The following DMXL1 variants were observed in gnomAD, a reference collection of about 807,000 sequenced individuals.
DMXL1 encodes the protein dmX-like protein 1.
A neutral mutation model predicts 319.2 loss-of-function variants in DMXL1; 99 were observed. The observed-to-expected ratio is 0.31, with a 90% confidence interval of 0.26 to 0.37. The LOEUF is 0.37. DMXL1 is among the 10% of genes least tolerant of loss of function. The pLI is 1.00. For missense variants in DMXL1, 3,745 were observed against 3,595.6 expected (o/e 1.04, Z -1.06); for synonymous variants, 1,385 against 1,235.2 (o/e 1.12, Z -2.54).
At chr5:119,208,182 A>G (rs910157627) in intron 34 of DMXL1, among the ~76,000 whole-genome samples, 5 of 150,496 alleles carry the variant, frequency 3.3e-5, no homozygotes, top group East Asian at 1.9e-4. Context: ...TTTGATGATT[A>G]CTTATTACTG....
intron 21 of DMXL1, 140 bp from the exon 22 acceptor site, chr5:119,166,476 A>G: frequency 1.5e-6 from 1 of 652,316 alleles, no homozygotes; most frequent in Non-Finnish European, 2.5e-6. Context: ...TTTTACTGGG[A>G]AAAGAAGCAG....
rs753684069 is a variant in DMXL1, at chr5:119,224,712, A to G, written c.8281A>G (p.Ile2761Val). ...AATAATTTTTCTATTTTACCAGATGATTAAGAAAGCCATTAATAATGTTAG... is the reference window on the plus strand; with the variant it reads ...AATAATTTTTCTATTTTACCAGATGGTTAAGAAAGCCATTAATAATGTTAG... ...TQTGRGASVM[I>V]KKAINNVRRM... Residue 2761 changes from isoleucine to valine, a missense_variant, in exon 38 of 44, where the codon ATT becomes GTT. Ile to Val is a conservative substitution (Grantham distance 29). Around this residue, in one of 4 missense-constraint regions of DMXL1, gnomAD observed 1,382 missense variants for 1,269.5 expected, o/e 1.09. Transcript: ENST00000539542. The G allele has an allele frequency of 2.4e-6, 3 of 1,271,820 alleles. No homozygotes were observed. Among genetic ancestry groups the G allele is most frequent in the Non-Finnish European group, 3.2e-6 (3 of 946,402 alleles). The allele number at this position is 1,271,820 out of a possible 1,614,324, so 78.8% of individuals were successfully genotyped here.
At chr5:119,173,800 T>TATATATATATATATATATATATATATAAA (rs1775229709) in intron 25 of DMXL1, among the ~76,000 whole-genome samples, 1 of 47,682 alleles carries the variant, frequency 2.1e-5, no homozygotes. Context: ...ATATATATAA[T>TATATATATATATATATATATATATATAAA]GAGAGAGAGA....
At chr5:119,077,495 T>G (rs1350912225) in intron 1 of DMXL1, among the ~76,000 whole-genome samples, 1 of 144,920 alleles carries the variant, frequency 6.9e-6, no homozygotes, top group African/African-American at 2.5e-5. Context: ...TTTTTTTTTT[T>G]TTTTTTTTTT....
intron 38 of DMXL1, among the ~76,000 whole-genome samples, chr5:119,228,067 A>G (rs932777078): frequency 2.0e-5 from 3 of 152,240 alleles, no homozygotes; most frequent in East Asian, 1.9e-4. Context: ...TTAAAAAACC[A>G]TAGATTTTCT....
chr5:119,071,905 C>T (rs1362264060), intron 1 of DMXL1, among the ~76,000 whole-genome samples: 1 of 152,174 alleles, frequency 6.6e-6, no homozygotes, highest in Non-Finnish European at 1.5e-5. Flanking sequence ...TTTGGTCTGT[C>T]TGCCTTGGGC....
chr5:119,097,014 G>T (rs1425456008), intron 1 of DMXL1, among the ~76,000 whole-genome samples: 2 of 152,240 alleles, frequency 1.3e-5, no homozygotes, highest in African/African-American at 4.8e-5. Flanking sequence ...ACAGTAATGT[G>T]ATAGAAAGTA....
At chr5:119,224,136 G>T (rs771167118) in intron 37 of DMXL1, among the ~76,000 whole-genome samples, 70 of 151,928 alleles carry the variant, frequency 4.6e-4, no homozygotes, top group Non-Finnish European at 9.0e-4. Flanking sequence ...AAATCCAAAA[G>T]AATAACAATA....
At chr5:119,095,731 CAACTT>C (rs1755800540) in intron 1 of DMXL1, among the ~76,000 whole-genome samples, 1 of 152,136 alleles carries the variant, frequency 6.6e-6, no homozygotes, top group Non-Finnish European at 1.5e-5. Context: ...ATTTGAAAGA[CAACTT>C]CTCTTAAAAT....
intron 38 of DMXL1, among the ~76,000 whole-genome samples, chr5:119,229,423 C>T (rs1030954401): frequency 3.3e-5 from 5 of 152,084 alleles, no homozygotes; most frequent in Non-Finnish European, 7.4e-5. Context: ...TATTAAGGCT[C>T]ATCATTCTTT....
At chr5:119,175,176 A>C in intron 25 of DMXL1, 85 bp from the exon 26 acceptor site, 1 of 1,005,924 alleles carries the variant, frequency 9.9e-7, no homozygotes, top group Non-Finnish European at 1.4e-6. Context: ...TCATTCTTTT[A>C]AAAATGCTGA....
Position 119,146,837 on chromosome 5 carries a change from G to T in DMXL1, c.2570G>T (p.Gly857Val). ...TGAAAAATATCATTAATACCAACAG[G>T]CAGCTCACCTAATGGATTTTCTGAG... ...LGKDSILSNAGSSPNGFSEKF... is the reference protein window; with the variant it reads ...LGKDSILSNAVSSPNGFSEKF... The change falls in exon 16 of 44, where the codon GGC (glycine) becomes GTC (valine). Residue 857 changes from glycine (G) to valine (V), a missense_variant and splice_region_variant. This residue lies in a region of DMXL1 where 2,096 missense variants were observed against 1,985.4 expected (regional missense o/e 1.06). Coordinates refer to ENST00000539542, the MANE Select transcript of DMXL1 (RefSeq NM_001290321.3). 6.2e-7 allele frequency: 1 copy of T among 1,608,388 alleles called. No individual in the cohort carries two copies. The highest frequency in any genetic ancestry group is 8.5e-7 in the Non-Finnish European group (1 of 1,177,350).
Position 119,085,220 on chromosome 5 carries a change from A to G in DMXL1, c.88-12759A>G, listed in dbSNP as rs1190149836. On this transcript the variant is annotated intron_variant, in intron 1 of 43. Transcript: ENST00000539542. The stretch of plus-strand genomic sequence containing the variant: ...GTGGTGTGCACCTGTAGTCCTAGCT[A>G]CTCGTGAGACTGAGGCGTGAGAATC... Among the ~76,000 whole-genome samples the G allele has an allele frequency of 8.6e-5, 13 of 151,920 alleles. No homozygotes were observed. In the South Asian group the frequency reaches 2.5e-3, roughly 29 times the overall value.
intron 29 of DMXL1, among the ~76,000 whole-genome samples, chr5:119,190,689 A>C (rs1334156558): frequency 6.6e-6 from 1 of 152,256 alleles, no homozygotes; most frequent in Admixed American, 6.5e-5. Flanking sequence ...AACTGTGGGT[A>C]TGTTGACAGT....
Position 119,171,830 on chromosome 5 carries a change from C to G in DMXL1, c.6542C>G (p.Pro2181Arg). Residue 2181 changes from proline to arginine, a missense_variant, in exon 25 of 44, where the codon CCT (proline) becomes CGT (arginine). Physicochemically the swap from Pro to Arg is moderately radical, Grantham distance 103. Coordinates refer to ENST00000539542, the MANE Select transcript of DMXL1 (RefSeq NM_001290321.3). The stretch of plus-strand genomic sequence containing the variant: ...CCTCTGTCAGAGCAAACCTCAGTGC[C>G]TCTCCTCTTTGCTTGTACAGCCAAT... The part of the protein sequence containing the change: ...SSPLSEQTSV[P>R]LLFACTANAK... 3 of 1,613,806 alleles carry G rather than the reference C, an allele frequency of 1.9e-6. No homozygotes were observed.
intron 36 of DMXL1, 58 bp downstream of exon 36, chr5:119,220,651 T>G (rs1784492728): frequency 6.3e-7 from 1 of 1,576,770 alleles, no homozygotes; most frequent in South Asian, 1.2e-5. Context: ...CTATATTTAC[T>G]GAACTAAAAC....
intron 1 of DMXL1, among the ~76,000 whole-genome samples, chr5:119,076,716 T>C (rs768343406): frequency 1.4e-4 from 22 of 152,306 alleles, no homozygotes; most frequent in Non-Finnish European, 2.4e-4. Flanking sequence ...AGGAATTCTT[T>C]GGGGGTGTTT....
chr5:119,173,708 A>ATG (rs768405136), intron 25 of DMXL1, among the ~76,000 whole-genome samples: 1,577 of 123,298 alleles, frequency 0.013, 17 homozygotes, highest in Non-Finnish European at 0.02. Flanking sequence ...GTATATATAT[A>ATG]TGTGTGTGTG....
chr5:119,174,500 C>G (rs1775400479), intron 25 of DMXL1, among the ~76,000 whole-genome samples: 1 of 152,180 alleles, frequency 6.6e-6, no homozygotes, highest in African/African-American at 2.4e-5. Context: ...TTAATTCATA[C>G]TACGTTTTAT....
Sources: gnomAD v4.1 joint callset for allele counts (sites outside exome capture counted in the v4.1 genomes callset) on GRCh38, gnomAD v4.1.1 for gene constraint, gnomAD v4.1.1 regional missense constraint, MANE v1.5 for transcripts, NCBI Gene and HGNC (gene_info 2026-07-23, HGNC 2026-07-21) for gene names.